Variants in FBRSL1 observed in about 807,000 individuals in gnomAD.
FBRSL1 encodes fibrosin-1-like protein.
In FBRSL1, 51 loss-of-function variants were observed where a neutral mutation model predicts 89.6. That is an observed-to-expected ratio of 0.57 (90% CI 0.45 to 0.72). FBRSL1 has a LOEUF of 0.72. Among genes scored for constraint, FBRSL1 ranks in the 30% least tolerant of loss-of-function variants. FBRSL1 has a pLI of 0.00. For synonymous variants in FBRSL1, 779 were observed against 681.1 expected (o/e 1.14, Z -2.24); for missense variants, 1,618 against 1,451.8 (o/e 1.11, Z -1.86).
rs1447989247 is a variant in FBRSL1 at position 132,569,942 on chromosome 12, G to T, written c.708G>T (p.Lys236Asn). The stretch of plus-strand genomic sequence containing the variant: ...TCTCTGCAGGCCCAGCGCTTGAGAA[G>T]TCGGAGGCCAAGGCCGGGCCGGTGC... ...PGTDKGPALEKSEAKAGPVPK... is the reference protein window; with the variant it reads ...PGTDKGPALENSEAKAGPVPK... The change falls in exon 7 of 19, where the codon AAG (lysine) becomes AAT (asparagine). Residue 236 changes from lysine (K) to asparagine (N), a missense_variant. By Grantham distance (94) the Lys-to-Asn change is moderately conservative (BLOSUM62 0). Coordinates refer to ENST00000680143, the MANE Select transcript of FBRSL1 (RefSeq NM_001367871.1). 7.0e-7 allele frequency: 1 copy of T among 1,420,044 alleles called. No homozygotes were observed. The highest frequency in any genetic ancestry group is 1.5e-5 in the South Asian group (1 of 66,082). The allele number at this position is 1,420,044 out of a possible 1,614,324, so 88.0% of individuals were successfully genotyped here. A position where few individuals can be genotyped will look rare whatever the true frequency, so the allele number is the denominator to read the frequency against.
chr12:132,509,163 C>T, intron 2 of FBRSL1: 2 of 1,243,240 alleles, frequency 1.6e-6, no homozygotes, highest in Non-Finnish European at 2.0e-6. Context: ...TTCTTCCATG[C>T]AGGTGTGCTC....
intron 18 of FBRSL1, 127 bp downstream of exon 18, chr12:132,582,393 C>A: frequency 1.5e-6 from 1 of 666,448 alleles, no homozygotes; most frequent in Non-Finnish European, 2.6e-6. Flanking sequence ...CACCGTTCCC[C>A]CTCCCCCTGT....
chr12:132,575,936 C>A (rs1404170199), intron 14 of FBRSL1, among the ~76,000 whole-genome samples: 4 of 152,232 alleles, frequency 2.6e-5, no homozygotes, highest in Non-Finnish European at 5.9e-5. Context: ...TTTGGCTACA[C>A]CCCTCCTGGC....
At chr12:132,582,911 G>A in intron 18 of FBRSL1, 60 bp from the exon 19 acceptor site, 2 of 1,293,828 alleles carry the variant, frequency 1.5e-6, no homozygotes, top group Non-Finnish European at 2.0e-6. Flanking sequence ...ACATCCCGGG[G>A]CTGCGCCGCG....
chr12:132,584,485 A>G lies in FBRSL1; in HGVS notation c.*707A>G, dbSNP rs1044213970. 1.4e-4 allele frequency: 22 copies of G among 152,312 alleles called. No individual in the cohort carries two copies. The highest frequency in any genetic ancestry group is 5.3e-4 in the African/African-American group (22 of 41,570). 9.4% of individuals were successfully genotyped at this position (152,312 alleles called of 1,614,324 possible). ...TTGTTTGTCTAACATGGTCACAAAA[A>G]CCCAGGCGCTGCTGGCTGTAAACAT... On this transcript the variant is annotated 3_prime_UTR_variant, in exon 19 of 19. Coordinates refer to ENST00000680143, the MANE Select transcript of FBRSL1 (RefSeq NM_001367871.1).
chr12:132,539,250 C>G (rs1413660153), intron 4 of FBRSL1, among the ~76,000 whole-genome samples: 1 of 152,072 alleles, frequency 6.6e-6, no homozygotes, highest in African/African-American at 2.4e-5. Flanking sequence ...GGATCAGGGT[C>G]AGAGAGGGAG....
At chr12:132,550,063 A>T (rs1420640003) in intron 5 of FBRSL1, among the ~76,000 whole-genome samples, 1 of 151,236 alleles carries the variant, frequency 6.6e-6, no homozygotes, top group Non-Finnish European at 1.5e-5. Flanking sequence ...GCATTCCTGC[A>T]CACGGAGGGT....
chr12:132,535,076 C>T (rs755327848), intron 4 of FBRSL1, among the ~76,000 whole-genome samples: 7 of 152,224 alleles, frequency 4.6e-5, no homozygotes, highest in Non-Finnish European at 1.5e-5. Context: ...CTGGGGTGCC[C>T]ATCAAGCTGA....
chr12:132,580,853 C>T (rs1480838715), intron 15 of FBRSL1: 3 of 985,444 alleles, frequency 3.0e-6, no homozygotes, highest in Non-Finnish European at 3.6e-6. Flanking sequence ...ACTGAATCCC[C>T]TGCAGCAGCC....
At chr12:132,516,875 A>C (rs2136751519) in intron 2 of FBRSL1, among the ~76,000 whole-genome samples, 1 of 152,350 alleles carries the variant, frequency 6.6e-6, no homozygotes, top group East Asian at 1.9e-4. Flanking sequence ...CGGGGATGTT[A>C]CTAAATAGTT....
At chr12:132,528,129 T>TGGCCTC (rs2035955230) in intron 4 of FBRSL1, 141 bp downstream of exon 4, 2 of 766,680 alleles carry the variant, frequency 2.6e-6, no homozygotes, top group South Asian at 3.3e-5. Context: ...AGACTGGTTC[T>TGGCCTC]GGCCTCAAAC....
chr12:132,561,733 G>A (rs917603376), intron 5 of FBRSL1, among the ~76,000 whole-genome samples: 1 of 152,214 alleles, frequency 6.6e-6, no homozygotes, highest in South Asian at 2.1e-4. Flanking sequence ...GAGGGCCCGC[G>A]TGCGTGCCAG....
chr12:132,567,967 A>G (rs1320397713), intron 6 of FBRSL1, among the ~76,000 whole-genome samples: 1 of 152,164 alleles, frequency 6.6e-6, no homozygotes, highest in Non-Finnish European at 1.5e-5. Flanking sequence ...TTGCTGTTCC[A>G]GGCCAGGCCT....
At chr12:132,581,942 T>C in intron 17 of FBRSL1, 118 bp downstream of exon 17, 2 of 1,289,454 alleles carry the variant, frequency 1.6e-6, no homozygotes, top group South Asian at 1.5e-5. Flanking sequence ...CTGGGCCTCC[T>C]TGGGGCACCC....
intron 1 of FBRSL1, among the ~76,000 whole-genome samples, chr12:132,503,287 C>G (rs898065169): frequency 6.6e-6 from 1 of 152,188 alleles, no homozygotes; most frequent in Non-Finnish European, 1.5e-5. Flanking sequence ...AGGCGAGAGC[C>G]GCAAGCCCGC....
intron 1 of FBRSL1, among the ~76,000 whole-genome samples, chr12:132,504,717 G>C (rs2033464722): frequency 6.6e-6 from 1 of 152,180 alleles, no homozygotes; most frequent in Non-Finnish European, 1.5e-5. Context: ...TGGGTGGTGG[G>C]TGGTGCTGGG....
In FBRSL1 at chr12:132,572,364, C is replaced by CCGACA; in HGVS notation, c.1434+22_1434+23insACACG. On this transcript the variant is annotated intron_variant, in intron 10 of 18. Transcript: ENST00000680143. ...GTGAGTGTGAGTGTCCCCGAGGGGC[C>CCGACA]CGGCGCGTGTCGCTGTGCACGCAGG... 6.4e-7 allele frequency: 1 copy of CCGACA among 1,550,576 alleles called. No individual in the cohort carries two copies. Among genetic ancestry groups the CCGACA allele is most frequent in the Non-Finnish European group, 8.7e-7 (1 of 1,146,424 alleles).
chr12:132,579,750 A>G (rs981948322), intron 15 of FBRSL1, among the ~76,000 whole-genome samples: 4 of 152,132 alleles, frequency 2.6e-5, no homozygotes, highest in Non-Finnish European at 4.4e-5. Context: ...TGCCGTCTTC[A>G]GTGAGTTAAG....
intron 15 of FBRSL1, among the ~76,000 whole-genome samples, chr12:132,578,583 C>T (rs1408712261): frequency 2.6e-5 from 4 of 152,130 alleles, no homozygotes; most frequent in South Asian, 2.1e-4. Context: ...TACATACCCA[C>T]GTGTACAGGC....
Sources: gnomAD v4.1 joint callset for allele counts (sites outside exome capture counted in the v4.1 genomes callset) on GRCh38, gnomAD v4.1.1 for gene constraint, MANE v1.5 for transcripts, NCBI Gene and HGNC (gene_info 2026-07-23, HGNC 2026-07-21) for gene names.